CCDC169: variants seen among roughly 807,000 people sequenced by gnomAD.
CCDC169 encodes the protein coiled-coil domain containing 169.
A neutral mutation model predicts 36.0 loss-of-function variants in CCDC169; 30 were observed. The ratio of observed to expected loss-of-function variants is 0.83; its 90% CI spans 0.62 to 1.13. The LOEUF (loss-of-function observed/expected upper bound fraction) is 1.13. CCDC169 is among the 50% of genes most tolerant of loss of function. The pLI, the probability that CCDC169 is intolerant of heterozygous loss-of-function variation, is 0.00. For synonymous variants in CCDC169, 85 were observed against 81.5 expected (o/e 1.04, Z -0.23); for missense variants, 245 against 245.9 (o/e 1.00, Z 0.03).
intron 4 of CCDC169, chr13:36,267,027 A>G (rs1328638): frequency 0.25 from 38,755 of 152,162 alleles, 5,219 homozygotes; most frequent in East Asian, 0.49. Context: ...ATAGAGAGGG[A>G]GCAGGAGGAG....
At chr13:36,232,582 G>A (rs191900461) in intron 7 of CCDC169, among the ~76,000 whole-genome samples, 1 of 152,162 alleles carries the variant, frequency 6.6e-6, no homozygotes, top group African/African-American at 2.4e-5. Context: ...GATCACTTGA[G>A]GCCAGGAGTT....
chr13:36,259,043 G>A (rs1443790187), intron 4 of CCDC169, among the ~76,000 whole-genome samples: 1 of 152,148 alleles, frequency 6.6e-6, no homozygotes, highest in Non-Finnish European at 1.5e-5. Context: ...TCTAGAATGT[G>A]TTCCTGTGCT....
intron 2 of CCDC169, among the ~76,000 whole-genome samples, chr13:36,293,924 G>A (rs1314946751): frequency 1.3e-5 from 2 of 152,160 alleles, no homozygotes; most frequent in African/African-American, 4.8e-5. Context: ...TGAGTGTGAT[G>A]TGGTAGATGG....
chr13:36,245,618 A>C (rs1455571332), intron 7 of CCDC169, among the ~76,000 whole-genome samples: 1 of 152,170 alleles, frequency 6.6e-6, no homozygotes, highest in South Asian at 2.1e-4. Context: ...ATCTATCTTA[A>C]ATTGGTTTTA....
chr13:36,274,868 A>ATTTTTTTT (rs3083971), intron 4 of CCDC169, among the ~76,000 whole-genome samples: 4 of 118,478 alleles, frequency 3.4e-5, no homozygotes, highest in East Asian at 5.2e-4. Context: ...CATTAGCTGC[A>ATTTTTTTT]TTTTTTTTTT....
At chr13:36,249,705 A>G (rs563393532) in intron 6 of CCDC169, among the ~76,000 whole-genome samples, 1 of 151,342 alleles carries the variant, frequency 6.6e-6, no homozygotes, top group African/African-American at 2.4e-5. Context: ...AGCCAAAGGC[A>G]GTAAAAGAGA....
downstream of CCDC169, chr13:36,227,166 C>A: frequency 7.5e-7 from 1 of 1,332,444 alleles, no homozygotes; most frequent in Non-Finnish European, 1.0e-6. Flanking sequence ...AGATCACAAT[C>A]CTGGGGGTGG....
intron 7 of CCDC169, among the ~76,000 whole-genome samples, chr13:36,234,529 A>C (rs1555248656): frequency 6.6e-6 from 1 of 152,156 alleles, no homozygotes; most frequent in Non-Finnish European, 1.5e-5. Context: ...GACACATCAT[A>C]ATAAAACTAT....
intron 7 of CCDC169, among the ~76,000 whole-genome samples, chr13:36,233,240 C>T (rs1870658529): frequency 7.4e-6 from 1 of 134,930 alleles, no homozygotes; most frequent in Non-Finnish European, 1.7e-5. Context: ...TCAGTGTCCA[C>T]CCCAACAAAG....
At chr13:36,252,583 G>A (rs1219283064) in intron 6 of CCDC169, among the ~76,000 whole-genome samples, 4 of 151,754 alleles carry the variant, frequency 2.6e-5, no homozygotes, top group African/African-American at 7.3e-5. Flanking sequence ...CCCTCTTTTC[G>A]GCTCTTCCTC....
chr13:36,236,462 C>T (rs1576229), intron 7 of CCDC169, among the ~76,000 whole-genome samples: 61,449 of 151,618 alleles, frequency 0.41, 13,215 homozygotes, highest in Non-Finnish European at 0.48. Context: ...AAGAGTGAAA[C>T]TGGACGCCTA....
chr13:36,261,481 T>G (rs1222340370), intron 4 of CCDC169, among the ~76,000 whole-genome samples: 1 of 152,208 alleles, frequency 6.6e-6, no homozygotes, highest in Admixed American at 6.5e-5. Flanking sequence ...CCACAGTGCC[T>G]CAGCCAGCAA....
chr13:36,265,033 T>C (rs1875100129), intron 4 of CCDC169, among the ~76,000 whole-genome samples: 1 of 152,216 alleles, frequency 6.6e-6, no homozygotes. Context: ...TCACTGACAG[T>C]GGGATGTTGA....
chr13:36,231,436 T>G (rs1350831180), intron 7 of CCDC169, 144 bp from the exon 8 acceptor site: 6 of 751,434 alleles, frequency 8.0e-6, no homozygotes, highest in Non-Finnish European at 1.1e-5. Flanking sequence ...GAATAGTTTC[T>G]GCTTACAGTG....
In CCDC169 at chr13:36,297,763, T is replaced by TA. The variant is rs752710067; in HGVS notation, c.-45dup. On this transcript the variant is annotated 5_prime_UTR_variant, in exon 1 of 8. The change abolishes the stop of an existing upstream ORF in the 5' untranslated region. Coordinates refer to ENST00000239859, the MANE Select transcript of CCDC169 (RefSeq NM_001144981.3). Reference sequence around the variant, plus strand: ...TCCCGCGTCTTTCCCCTCAGCACCTTAGAGCACAAGACATTAAGGGCCACC... The same window carrying TA: ...TCCCGCGTCTTTCCCCTCAGCACCTTAAGAGCACAAGACATTAAGGGCCACC... 9.8e-6 allele frequency: 15 copies of TA among 1,534,828 alleles called. No homozygotes were observed. In the African/African-American group the frequency reaches 1.8e-4, roughly 18 times the overall value.
chr13:36,287,289 AT>A (rs1415161223), intron 2 of CCDC169, among the ~76,000 whole-genome samples: 2 of 152,106 alleles, frequency 1.3e-5, no homozygotes, highest in African/African-American at 2.4e-5. Context: ...AAAATAAAAA[AT>A]AACAAGGGTA....
intron 4 of CCDC169, chr13:36,282,654 A>T: frequency 2.2e-6 from 1 of 460,072 alleles, no homozygotes; most frequent in Non-Finnish European, 2.9e-6. Flanking sequence ...GAGAAATATA[A>T]TTCTCTGTCT....
chr13:36,239,002 G>A (rs146048335), intron 7 of CCDC169, among the ~76,000 whole-genome samples: 26 of 152,244 alleles, frequency 1.7e-4, no homozygotes, highest in African/African-American at 6.0e-4. Flanking sequence ...AGGCCAAGGT[G>A]GGAGATTGCT....
chr13:36,227,383 T>G, downstream of CCDC169: 1 of 1,542,642 alleles, frequency 6.5e-7, no homozygotes, highest in Non-Finnish European at 8.8e-7. Flanking sequence ...AAGAGGAGGC[T>G]GTTTGAAGAG....
Sources: gnomAD v4.1 joint callset for allele counts (sites outside exome capture counted in the v4.1 genomes callset) on GRCh38, gnomAD v4.1.1 for gene constraint, MANE v1.5 for transcripts, NCBI Gene and HGNC (gene_info 2026-07-23, HGNC 2026-07-21) for gene names.